JPH3: variants seen among roughly 807,000 people sequenced by gnomAD.
JPH3 encodes the protein junctophilin 3.
Under a neutral mutation model 59.6 loss-of-function variants are expected in JPH3, and 11 were observed. The observed-to-expected ratio is 0.18, with a 90% CI of 0.12 to 0.31. JPH3 has a LOEUF of 0.31. Ranked by LOEUF, JPH3 falls within the 10% of genes least tolerant of loss-of-function variation. JPH3 has a pLI of 1.00. For missense variants in JPH3, 1,202 were observed against 1,105.7 expected, an observed-to-expected ratio of 1.09 and a Z score of -1.24; for synonymous variants, 673 against 483.6, an observed-to-expected ratio of 1.39 and a Z score of -5.14.
chr16:87,680,965 C>T (rs117976658), intron 2 of JPH3, among the ~76,000 whole-genome samples: 2,391 of 152,292 alleles, frequency 0.016, 28 homozygotes, highest in Non-Finnish European at 0.025. Flanking sequence ...TTTGGTCCCT[C>T]GTGCTGTGTG....
At chr16:87,640,172 G>C (rs12448181) in intron 1 of JPH3, among the ~76,000 whole-genome samples, 63,551 of 151,428 alleles carry the variant, frequency 0.42, 13,921 homozygotes, top group African/African-American at 0.54. Flanking sequence ...ACTAAAAACA[G>C]AAAAAAATTA....
At chr16:87,660,469 G>A (rs2032664728) in intron 2 of JPH3, among the ~76,000 whole-genome samples, 1 of 152,136 alleles carries the variant, frequency 6.6e-6, no homozygotes, top group South Asian at 2.1e-4. Context: ...TCGGTTCCGT[G>A]CTCCCCTTTT....
At chr16:87,622,324 G>C (rs2031214711) in intron 1 of JPH3, among the ~76,000 whole-genome samples, 1 of 152,218 alleles carries the variant, frequency 6.6e-6, no homozygotes, top group African/African-American at 2.4e-5. Flanking sequence ...TCTGAGGTCA[G>C]CTTCCCAGGG....
chr16:87,678,601 C>T (rs2033209307), intron 2 of JPH3, among the ~76,000 whole-genome samples: 2 of 152,130 alleles, frequency 1.3e-5, no homozygotes, highest in African/African-American at 4.8e-5. Context: ...TACTCACACT[C>T]TCTGTAGTGG....
At chr16:87,657,556 T>C (rs1449784027) in intron 2 of JPH3, among the ~76,000 whole-genome samples, 2 of 152,198 alleles carry the variant, frequency 1.3e-5, no homozygotes. Context: ...TTTTATGTTA[T>C]ATTAAAAAAA....
intron 2 of JPH3, among the ~76,000 whole-genome samples, chr16:87,652,255 G>A (rs1036260814): frequency 2.6e-5 from 4 of 152,184 alleles, no homozygotes; most frequent in East Asian, 1.9e-4. Flanking sequence ...GATTACAGGC[G>A]TGAGCCACCG....
chr16:87,624,995 C>G (rs1278350638), intron 1 of JPH3, among the ~76,000 whole-genome samples: 1 of 152,176 alleles, frequency 6.6e-6, no homozygotes, highest in Non-Finnish European at 1.5e-5. Context: ...GACAGGGTAT[C>G]AACATGTTGG....
chr16:87,682,521 G>A lies in JPH3; in HGVS notation c.1161-1621G>A, dbSNP rs778701821. Among the ~76,000 whole-genome samples the A allele has an allele frequency of 8.8e-4, 134 of 152,218 alleles. 2 individuals are homozygous for A. The highest frequency in any genetic ancestry group is 2.2e-4 in the African/African-American group (9 of 41,536). On this transcript the variant is annotated intron_variant, in intron 2 of 4. Coordinates refer to ENST00000284262, the MANE Select transcript of JPH3 (RefSeq NM_020655.4). ...GAAAGAGGCCTCAGAGAGCACCCTC[G>A]CTTCTTCTACCATGTGAGCACCCAG...
Position 87,659,408 on chromosome 16 carries a change from A to G in JPH3, c.1160+14373A>G, listed in dbSNP as rs2032629582. ...AAAAGAAAAAAAAAAAGAAAACTACACACACATACACACAACATAAAATGT... is the reference window on the plus strand; with the variant it reads ...AAAAGAAAAAAAAAAAGAAAACTACGCACACATACACACAACATAAAATGT... On this transcript the variant is annotated intron_variant, in intron 2 of 4. Coordinates refer to ENST00000284262, the MANE Select transcript of JPH3 (RefSeq NM_020655.4). Among the ~76,000 whole-genome samples the G allele has an allele frequency of 2.1e-5, 3 of 143,860 alleles. 1 individual carries two copies. The highest frequency in any genetic ancestry group is 6.9e-5 in the Admixed American group (1 of 14,456). The allele number at this position is 143,860 out of a possible 152,430, so 94.4% of individuals were successfully genotyped here. A position where few individuals can be genotyped will look rare whatever the true frequency, so the allele number is the denominator to read the frequency against.
chr16:87,648,883 C>A (rs1035674456), intron 2 of JPH3, among the ~76,000 whole-genome samples: 1 of 152,244 alleles, frequency 6.6e-6, no homozygotes, highest in African/African-American at 2.4e-5. Context: ...GGCCCCAGCA[C>A]CTGCATGCTG....
chr16:87,655,887 T>C (rs2032484025), intron 2 of JPH3, among the ~76,000 whole-genome samples: 1 of 152,168 alleles, frequency 6.6e-6, no homozygotes, highest in African/African-American at 2.4e-5. Flanking sequence ...CTGAGTCCGC[T>C]CAGGGGTCTC....
chr16:87,661,499 CTTT>C (rs1182218665), intron 2 of JPH3, among the ~76,000 whole-genome samples: 78 of 152,358 alleles, frequency 5.1e-4, no homozygotes, highest in African/African-American at 1.8e-3. Flanking sequence ...ATGGGCTGGA[CTTT>C]GGGGGTCCAG....
At chr16:87,636,923 A>G (rs754180829) in intron 1 of JPH3, among the ~76,000 whole-genome samples, 1 of 152,062 alleles carries the variant, frequency 6.6e-6, no homozygotes. Flanking sequence ...CGCGCAGCGC[A>G]GTGGGGCCTG....
intron 1 of JPH3, among the ~76,000 whole-genome samples, chr16:87,620,581 G>T (rs983333396): frequency 4.7e-5 from 7 of 150,406 alleles, no homozygotes; most frequent in Admixed American, 3.9e-4. Context: ...GTCCTGCCAT[G>T]GGGGGGACGT....
chr16:87,643,864 G>A (rs1167020042), intron 1 of JPH3, among the ~76,000 whole-genome samples: 1 of 152,234 alleles, frequency 6.6e-6, no homozygotes, highest in African/African-American at 2.4e-5. Context: ...CACACCAGGA[G>A]TGGTGTGGCT....
intron 1 of JPH3, among the ~76,000 whole-genome samples, chr16:87,637,946 C>A (rs953385140): frequency 6.6e-6 from 1 of 152,000 alleles, no homozygotes; most frequent in Non-Finnish European, 1.5e-5. Flanking sequence ...GATGGGGTTT[C>A]ACTCTTGTTG....
In JPH3 at chr16:87,662,296, C is replaced by T. The variant is rs372049641; in HGVS notation, c.1160+17261C>T. ...GTGTGAGGAACCCGGTGTACTCTGT[C>T]GATGTTTAAGGGTCAGTGGGCGCCG... On this transcript the variant is annotated intron_variant, in intron 2 of 4. Coordinates refer to ENST00000284262, the MANE Select transcript of JPH3 (RefSeq NM_020655.4). Among the ~76,000 whole-genome samples, 33 of 152,202 alleles carry T rather than the reference C, an allele frequency of 2.2e-4. No individual in the cohort carries two copies. The South Asian group carries it at 6.2e-3, about 29-fold the overall frequency.
At chr16:87,676,024 A>G (rs2033133997) in intron 2 of JPH3, among the ~76,000 whole-genome samples, 1 of 152,262 alleles carries the variant, frequency 6.6e-6, no homozygotes, top group African/African-American at 2.4e-5. Flanking sequence ...GCTGATGGAT[A>G]TGGGGTTTCT....
intron 3 of JPH3, among the ~76,000 whole-genome samples, chr16:87,688,078 T>G (rs1292726528): frequency 6.6e-6 from 1 of 152,036 alleles, no homozygotes; most frequent in African/African-American, 2.4e-5. Flanking sequence ...TCAGCACAGT[T>G]CTACACAGAC....
Sources: allele counts gnomAD v4.1 joint callset (sites outside exome capture counted in the v4.1 genomes callset), GRCh38; gene constraint gnomAD v4.1.1; transcripts MANE v1.5; gene names NCBI Gene and HGNC (gene_info 2026-07-23, HGNC 2026-07-21).